The following KCTD16 variants were observed in gnomAD, a reference collection of about 807,000 sequenced individuals.
The protein encoded by KCTD16 is BTB/POZ domain-containing protein KCTD16.
KCTD16 carries 13 observed loss-of-function variants against 33.2 expected under a neutral mutation model. The observed-to-expected ratio is 0.39, with a 90% confidence interval of 0.25 to 0.62. KCTD16 has a LOEUF of 0.62. Ranked by LOEUF, KCTD16 falls within the 20% of genes least tolerant of loss-of-function variation. The probability of loss-of-function intolerance (pLI) is 0.50; values close to 1 mark genes in which losing one functional copy is unlikely to be tolerated. For synonymous variants in KCTD16, 197 were observed against 195.3 expected (o/e 1.01, Z -0.07); for missense variants, 441 against 525.1 (o/e 0.84, Z 1.57).
intron 1 of KCTD16, among the ~76,000 whole-genome samples, chr5:144,172,961 G>A (rs1354672830): frequency 1.3e-5 from 2 of 152,080 alleles, no homozygotes; most frequent in African/African-American, 4.8e-5. Context: ...AAGAATATGA[G>A]CATTAAAAAT....
At chr5:144,408,694 A>G (rs1752866404) in intron 3 of KCTD16, among the ~76,000 whole-genome samples, 2 of 152,124 alleles carry the variant, frequency 1.3e-5, no homozygotes, top group Non-Finnish European at 1.5e-5. Context: ...AAATCCACAT[A>G]TGTTACCTTG....
chr5:144,302,517 G>T (rs1042766022), intron 3 of KCTD16, among the ~76,000 whole-genome samples: 2 of 152,102 alleles, frequency 1.3e-5, no homozygotes, highest in Non-Finnish European at 2.9e-5. Context: ...GCTTTTCTAG[G>T]TTGCAGCTTC....
At chr5:144,240,068 C>T (rs1432682042) in intron 3 of KCTD16, among the ~76,000 whole-genome samples, 1 of 152,060 alleles carries the variant, frequency 6.6e-6, no homozygotes, top group South Asian at 2.1e-4. Flanking sequence ...ACTATTAACA[C>T]CTCTATTTAC....
chr5:144,191,579 C>G (rs1752843226), intron 2 of KCTD16, among the ~76,000 whole-genome samples: 1 of 152,136 alleles, frequency 6.6e-6, no homozygotes, highest in Non-Finnish European at 1.5e-5. Flanking sequence ...TATTTCCTCT[C>G]ATTCCTCTCA....
chr5:144,465,200 A>C (rs201591728), intron 3 of KCTD16, among the ~76,000 whole-genome samples: 51 of 74,318 alleles, frequency 6.9e-4, no homozygotes, highest in East Asian at 1.2e-3. Flanking sequence ...TCTCTCTCTC[A>C]CTCTCTCTCT....
rs149101501 is a variant in KCTD16, at chr5:144,424,913, G to A, written c.833-48747G>A. 3.8e-3 allele frequency among the ~76,000 whole-genome samples: 576 copies of A among 152,232 alleles called. 4 individuals carry two copies. The highest frequency in any genetic ancestry group is 0.014 in the Middle Eastern group (4 of 294). The stretch of plus-strand genomic sequence containing the variant: ...TTTTGAAGGGGACATTTAAACCATA[G>A]CATTCCATCTCTGGCTCCCACAAAC... On this transcript the variant is annotated intron_variant, in intron 3 of 3. Transcript: ENST00000512467.
At chr5:144,221,454 T>A (rs1753747855) in intron 3 of KCTD16, among the ~76,000 whole-genome samples, 1 of 152,072 alleles carries the variant, frequency 6.6e-6, no homozygotes, top group South Asian at 2.1e-4. Context: ...TGTGTGATGA[T>A]CCTTTCTCTG....
chr5:144,358,600 A>G (rs777555210), intron 3 of KCTD16, among the ~76,000 whole-genome samples: 22 of 152,186 alleles, frequency 1.4e-4, no homozygotes, highest in Non-Finnish European at 2.5e-4. Context: ...AGTAAATTCC[A>G]CAAAAGTACT....
In KCTD16 at chr5:144,315,070, G is replaced by A. The variant is rs143620847; in HGVS notation, c.832+107524G>A. ...GACTAATTGTTCTGCACTTTGGGCT[G>A]TCTTTCTGGGTTTCTGATATTCAAA... On this transcript the variant is annotated intron_variant, in intron 3 of 3. Coordinates refer to ENST00000512467, the MANE Select transcript of KCTD16 (RefSeq NM_020768.4). Among the ~76,000 whole-genome samples, 15 of 152,318 alleles carry A rather than the reference G, an allele frequency of 9.8e-5. No individual in the cohort carries two copies. In the East Asian group the frequency reaches 2.9e-3, roughly 29 times the overall value.
At chr5:144,261,046 A>C (rs975298550) in intron 3 of KCTD16, among the ~76,000 whole-genome samples, 1 of 151,872 alleles carries the variant, frequency 6.6e-6, no homozygotes, top group South Asian at 2.1e-4. Context: ...AACGACCCCA[A>C]TTGGGTCCCA....
chr5:144,349,009 T>C (rs1752879204), intron 3 of KCTD16, among the ~76,000 whole-genome samples: 1 of 152,104 alleles, frequency 6.6e-6, no homozygotes, highest in Non-Finnish European at 1.5e-5. Flanking sequence ...AGTTTTTTGC[T>C]TTCAAAGCTG....
rs142941834 is a variant in KCTD16, at chr5:144,380,308, G to C, written c.833-93352G>C. 4.7e-3 allele frequency among the ~76,000 whole-genome samples: 708 copies of C among 152,020 alleles called. 10 individuals carry two copies. Among genetic ancestry groups the C allele is most frequent in the African/African-American group, 0.016 (679 of 41,450 alleles). ...AGGAGGTAAATGATATTTACAATGA[G>C]AGTTACAAAACACCACTGAAAAAAA... On this transcript the variant is annotated intron_variant, in intron 3 of 3. Transcript: ENST00000512467.
intron 3 of KCTD16, among the ~76,000 whole-genome samples, chr5:144,255,358 T>C (rs1754815875): frequency 6.6e-6 from 1 of 151,576 alleles, no homozygotes; most frequent in Non-Finnish European, 1.5e-5. Flanking sequence ...GTAAGTGGGA[T>C]TTTTTTTTAT....
intron 3 of KCTD16, among the ~76,000 whole-genome samples, chr5:144,315,803 G>A (rs567033100): frequency 6.6e-6 from 1 of 152,000 alleles, no homozygotes; most frequent in Non-Finnish European, 1.5e-5. Flanking sequence ...GCTGATCACT[G>A]GAAGCACTTT....
chr5:144,388,461 C>T (rs1752380525), intron 3 of KCTD16, among the ~76,000 whole-genome samples: 2 of 152,102 alleles, frequency 1.3e-5, no homozygotes, highest in Admixed American at 1.3e-4. Context: ...TATTAATTAA[C>T]TCTGAATATT....
At chr5:144,361,451 T>C (rs1197335342) in intron 3 of KCTD16, among the ~76,000 whole-genome samples, 1 of 152,188 alleles carries the variant, frequency 6.6e-6, no homozygotes, top group Non-Finnish European at 1.5e-5. Flanking sequence ...GGTCCTGGTT[T>C]GAATGATAAG....
At chr5:144,288,739 G>A (rs1042716412) in intron 3 of KCTD16, among the ~76,000 whole-genome samples, 7 of 152,250 alleles carry the variant, frequency 4.6e-5, no homozygotes, top group Admixed American at 4.6e-4. Flanking sequence ...GAAGGCTGAG[G>A]CAAGCGGATC....
chr5:144,430,895 C>T (rs972076327), intron 3 of KCTD16, among the ~76,000 whole-genome samples: 11 of 152,078 alleles, frequency 7.2e-5, no homozygotes, highest in African/African-American at 2.4e-4. Flanking sequence ...TAGTGCTGTG[C>T]AGCTATTTTT....
intron 3 of KCTD16, among the ~76,000 whole-genome samples, chr5:144,233,656 C>T (rs1336119556): frequency 6.6e-6 from 1 of 152,154 alleles, no homozygotes; most frequent in Non-Finnish European, 1.5e-5. Flanking sequence ...ACATTATTTG[C>T]ACTTTAAATG....
Sources: gnomAD v4.1 joint callset for allele counts (sites outside exome capture counted in the v4.1 genomes callset) on GRCh38, gnomAD v4.1.1 for gene constraint, MANE v1.5 for transcripts, NCBI Gene and HGNC (gene_info 2026-07-23, HGNC 2026-07-21) for gene names.